COPG2: variants seen among roughly 807,000 people sequenced by gnomAD.
COPG2 encodes the protein coatomer subunit gamma-2.
COPG2 carries 37 observed loss-of-function variants against 46.3 expected under a neutral mutation model. That is an observed-to-expected ratio of 0.80 (90% CI 0.61 to 1.05). The LOEUF is 1.05. COPG2 is among the 50% of genes least tolerant of loss of function. The pLI is 0.00. For synonymous variants in COPG2, 159 were observed against 129.7 expected (o/e 1.23, Z -1.53); for missense variants, 427 against 387.8 (o/e 1.10, Z -0.85).
intron 5 of COPG2, among the ~76,000 whole-genome samples, chr7:130,640,679 C>T (rs1298426669): frequency 1.3e-5 from 2 of 152,110 alleles, no homozygotes; most frequent in African/African-American, 4.8e-5. Flanking sequence ...GGAAAGTTGG[C>T]TTGCAAACTG....
At chr7:130,606,902 C>T (rs1554451335) in intron 9 of COPG2, among the ~76,000 whole-genome samples, 2 of 152,220 alleles carry the variant, frequency 1.3e-5, no homozygotes, top group East Asian at 1.9e-4. Context: ...CTCTTTTTGT[C>T]GTTTCCATTT....
At chr7:130,586,698 G>A (rs782346055) in intron 9 of COPG2, among the ~76,000 whole-genome samples, 12 of 151,824 alleles carry the variant, frequency 7.9e-5, no homozygotes, top group East Asian at 5.8e-4. Flanking sequence ...TCCTGACGTC[G>A]TCATCTGCCC....
At chr7:130,513,290 TAAAAAAA>T (rs1205677638) in intron 20 of COPG2, among the ~76,000 whole-genome samples, 10 of 20,292 alleles carry the variant, frequency 4.9e-4, no homozygotes, top group African/African-American at 1.1e-3. Context: ...TAATTCTGTC[TAAAAAAA>T]AAAAAAAAAA....
At chr7:130,645,460 G>A (rs1795577835) in intron 5 of COPG2, 4 of 343,572 alleles carry the variant, frequency 1.2e-5, no homozygotes, top group Non-Finnish European at 2.2e-5. Context: ...TTCTCCAACC[G>A]GACCACTGCC....
intron 20 of COPG2, among the ~76,000 whole-genome samples, chr7:130,512,995 G>A (rs1240273054): frequency 2.0e-5 from 3 of 151,814 alleles, no homozygotes; most frequent in African/African-American, 7.3e-5. Context: ...AATATAAAGT[G>A]TGGGTAGGGG....
At chr7:130,512,646 G>A (rs1323727632) in intron 20 of COPG2, among the ~76,000 whole-genome samples, 3 of 151,994 alleles carry the variant, frequency 2.0e-5, no homozygotes, top group Non-Finnish European at 4.4e-5. Context: ...ACAAAAATTA[G>A]CTGGGCGTAG....
At position 130,666,944 on chromosome 7, in the gene COPG2, A is replaced by G; in HGVS notation, c.91-15T>C. 1.4e-6 allele frequency: 2 copies of G among 1,402,102 alleles called. No homozygotes were observed. Among genetic ancestry groups the G allele is most frequent in the Non-Finnish European group, 2.0e-6 (2 of 1,013,962 alleles). The allele number at this position is 1,402,102 out of a possible 1,614,324, so 86.9% of individuals were successfully genotyped here. On this transcript the variant is annotated splice_polypyrimidine_tract_variant and intron_variant, in intron 2 of 23. Transcript: ENST00000425248. ...AATATACGAGCCTATGAAAAAACAT[A>G]AAAAACATTGCTACTTTTCTACCTT...
At chr7:130,610,172 G>A (rs1339325526) in intron 9 of COPG2, 5 of 500,648 alleles carry the variant, frequency 1.0e-5, no homozygotes, top group Non-Finnish European at 2.0e-5. Flanking sequence ...AGACACTGAT[G>A]TAACTAATAC....
At chr7:130,510,741 A>T (rs549332765) in intron 20 of COPG2, among the ~76,000 whole-genome samples, 17 of 152,192 alleles carry the variant, frequency 1.1e-4, no homozygotes, top group Middle Eastern at 3.4e-3. Flanking sequence ...TTTTTACTTA[A>T]ATGGTTTGAT....
At chr7:130,515,743 G>A (rs1799673225) in intron 20 of COPG2, among the ~76,000 whole-genome samples, 1 of 152,118 alleles carries the variant, frequency 6.6e-6, no homozygotes, top group Admixed American at 6.5e-5. Flanking sequence ...GGTACAAAAG[G>A]GAAGGGATAA....
At chr7:130,646,980 T>C (rs1795614856) in intron 5 of COPG2, among the ~76,000 whole-genome samples, 3 of 926 alleles carry the variant, frequency 3.2e-3, no homozygotes, top group South Asian at 0.062. Context: ...TGTATATATA[T>C]ATGTATATAT....
intron 5 of COPG2, among the ~76,000 whole-genome samples, chr7:130,642,881 G>A (rs1795519892): frequency 6.6e-6 from 1 of 152,092 alleles, no homozygotes; most frequent in African/African-American, 2.4e-5. Flanking sequence ...AAATTAGCTG[G>A]GCGTGGTGGC....
At chr7:130,556,348 T>C (rs1237406363) in intron 12 of COPG2, among the ~76,000 whole-genome samples, 1 of 152,178 alleles carries the variant, frequency 6.6e-6, no homozygotes, top group East Asian at 1.9e-4. Flanking sequence ...GAAGATGTCT[T>C]GTATTATAGA....
At chr7:130,513,308 A>AAAAAAG (rs1236511164) in intron 20 of COPG2, among the ~76,000 whole-genome samples, 1 of 55,688 alleles carries the variant, frequency 1.8e-5, no homozygotes, top group Non-Finnish European at 2.9e-5. Context: ...AAAAAAAAAA[A>AAAAAAG]ATATATATAT....
intron 20 of COPG2, among the ~76,000 whole-genome samples, chr7:130,539,701 GC>G (rs1477859571): frequency 6.6e-6 from 1 of 152,144 alleles, no homozygotes. Flanking sequence ...ATGAGGCAGC[GC>G]CAACAGGGGA....
chr7:130,579,224 C>A (rs1211243583), intron 9 of COPG2, among the ~76,000 whole-genome samples: 1 of 140,434 alleles, frequency 7.1e-6, no homozygotes, highest in African/African-American at 2.7e-5. Flanking sequence ...ATTTTCAACC[C>A]AGAATTTCAT....
chr7:130,542,828 G>A (rs1793359503), intron 20 of COPG2, among the ~76,000 whole-genome samples: 1 of 152,168 alleles, frequency 6.6e-6, no homozygotes, highest in South Asian at 2.1e-4. Flanking sequence ...CTTAGCATCA[G>A]TAAAAGGGCT....
chr7:130,628,278 C>T (rs1554454596), intron 5 of COPG2, among the ~76,000 whole-genome samples: 1 of 152,098 alleles, frequency 6.6e-6, no homozygotes, highest in Non-Finnish European at 1.5e-5. Context: ...TTTGGGTTAA[C>T]TGAACACTTT....
At chr7:130,562,042 T>C (rs1339199734) in intron 11 of COPG2, among the ~76,000 whole-genome samples, 2 of 152,156 alleles carry the variant, frequency 1.3e-5, no homozygotes, top group Non-Finnish European at 2.9e-5. Context: ...AGATGAGGGA[T>C]TGTAGACCTG....
Sources: gnomAD v4.1 joint callset for allele counts (sites outside exome capture counted in the v4.1 genomes callset) on GRCh38, gnomAD v4.1.1 for gene constraint, MANE v1.5 for transcripts, NCBI Gene and HGNC (gene_info 2026-07-23, HGNC 2026-07-21) for gene names.